Variants in BMP7 observed in about 807,000 individuals in gnomAD.
BMP7 encodes the protein osteogenic protein 1.
In BMP7, 12 loss-of-function variants were observed where a neutral mutation model predicts 41.2. The observed-to-expected ratio is 0.29, with a 90% confidence interval of 0.19 to 0.47. BMP7 has a LOEUF of 0.47. Ranked by LOEUF, BMP7 falls within the 20% of genes least tolerant of loss-of-function variation. The pLI is 0.99. For synonymous variants in BMP7, 248 were observed against 250.0 expected (o/e 0.99, Z 0.07); for missense variants, 467 against 606.0 (o/e 0.77, Z 2.41).
intron 2 of BMP7, among the ~76,000 whole-genome samples, chr20:57,221,395 C>T (rs80239178): frequency 0.012 from 1,862 of 152,016 alleles, 33 homozygotes; most frequent in African/African-American, 0.042. Context: ...TGGACTGCCA[C>T]GAGGAGAAAG....
At chr20:57,254,312 C>A (rs545375811) in intron 1 of BMP7, among the ~76,000 whole-genome samples, 3 of 151,926 alleles carry the variant, frequency 2.0e-5, no homozygotes, top group Admixed American at 6.6e-5. Context: ...CGTGAGCCAC[C>A]GCGCCCAGCC....
intron 1 of BMP7, among the ~76,000 whole-genome samples, chr20:57,250,806 A>G (rs1007787897): frequency 1.3e-5 from 2 of 152,182 alleles, no homozygotes; most frequent in Non-Finnish European, 2.9e-5. Flanking sequence ...ACCAATAAAC[A>G]CAGATCTTAA....
chr20:57,194,024 T>C (rs1338769668), intron 3 of BMP7, among the ~76,000 whole-genome samples: 1 of 152,188 alleles, frequency 6.6e-6, no homozygotes, highest in African/African-American at 2.4e-5. Flanking sequence ...CCATGAACGC[T>C]GCACATTAGA....
At chr20:57,185,529 G>A (rs1215105671) in intron 3 of BMP7, among the ~76,000 whole-genome samples, 1 of 152,260 alleles carries the variant, frequency 6.6e-6, no homozygotes, top group Non-Finnish European at 1.5e-5. Context: ...TGGAGCATAA[G>A]CTGGGAAATA....
chr20:57,222,177 C>T (rs1985204695), intron 2 of BMP7, among the ~76,000 whole-genome samples: 2 of 152,190 alleles, frequency 1.3e-5, no homozygotes, highest in Non-Finnish European at 2.9e-5. Context: ...GAGCCCCCGC[C>T]CGCCGCAAAC....
chr20:57,168,966 A>T lies in BMP7; in HGVS notation c.*1993T>A, dbSNP rs1026031321. ...TTAAAGGGGGGGGGGTGTTCAAAAG[A>T]GCTTTGGATGGAAATAAATAATCTC... On this transcript the variant is annotated 3_prime_UTR_variant, in exon 7 of 7. Coordinates refer to ENST00000395863, the MANE Select transcript of BMP7 (RefSeq NM_001719.3). 1.3e-5 allele frequency: 2 copies of T among 151,840 alleles called. No homozygotes were observed. Among genetic ancestry groups the T allele is most frequent in the Non-Finnish European group, 2.9e-5 (2 of 68,028 alleles). 9.4% of individuals were successfully genotyped at this position (151,840 alleles called of 1,614,324 possible). A position where few individuals can be genotyped will look rare whatever the true frequency, so the allele number is the denominator to read the frequency against.
At position 57,170,158 on chromosome 20, in the gene BMP7, G is replaced by A. The variant is rs1600725062; in HGVS notation, c.*801C>T. On this transcript the variant is annotated 3_prime_UTR_variant, in exon 7 of 7. Transcript: ENST00000395863. ...CATGGATTTACTACCACTGGGGCGA[G>A]GTGAAAAGCCAATCCCAAATGTCTG... is the stretch of plus-strand genomic sequence containing the variant. 6.5e-6 allele frequency: 1 copy of A among 152,804 alleles called. No individual in the cohort carries two copies. Among genetic ancestry groups the A allele is most frequent in the South Asian group, 2.1e-4 (1 of 4,834 alleles). The allele number at this position is 152,804 out of a possible 1,614,324, so 9.5% of individuals were successfully genotyped here.
intron 1 of BMP7, among the ~76,000 whole-genome samples, chr20:57,240,720 A>G (rs1443461842): frequency 6.6e-6 from 1 of 152,250 alleles, no homozygotes; most frequent in East Asian, 1.9e-4. Context: ...ACATGACAGC[A>G]GCAAGAGAAA....
intron 1 of BMP7, among the ~76,000 whole-genome samples, chr20:57,258,639 T>C (rs1299294720): frequency 2.6e-5 from 4 of 152,222 alleles, no homozygotes; most frequent in Non-Finnish European, 1.5e-5. Flanking sequence ...AGTAAAATCA[T>C]TAAATAACCA....
intron 1 of BMP7, among the ~76,000 whole-genome samples, chr20:57,235,106 G>T (rs1336718428): frequency 6.6e-6 from 1 of 152,220 alleles, no homozygotes; most frequent in Non-Finnish European, 1.5e-5. Context: ...GCCTCCATGA[G>T]ACCTGACTAT....
At chr20:57,183,598 TATA>T (rs1325872401) in intron 4 of BMP7, 121 bp downstream of exon 4, 1 of 1,262,116 alleles carries the variant, frequency 7.9e-7, no homozygotes, top group East Asian at 2.4e-5. Flanking sequence ...TTCTTCCTGC[TATA>T]TTTGTTCCAG....
chr20:57,191,762 AT>A (rs1386290572), intron 3 of BMP7, among the ~76,000 whole-genome samples: 2 of 143,632 alleles, frequency 1.4e-5, no homozygotes, highest in African/African-American at 5.1e-5. Context: ...ACTATAATAT[AT>A]AATATATATA....
In BMP7 at chr20:57,178,365, A is replaced by G. The variant is rs540812245; in HGVS notation, c.959-3358T>C. 2.0e-5 allele frequency among the ~76,000 whole-genome samples: 3 copies of G among 152,240 alleles called. No homozygotes were observed. In the East Asian group the frequency reaches 5.8e-4, roughly 30 times the overall value. On this transcript the variant is annotated intron_variant, in intron 4 of 6. Transcript: ENST00000395863. ...GATCTGCGTGGCTGGAACCAGCCCC[A>G]AGGCTCAATGCTGCAAGGGGGTGCT...
At chr20:57,195,726 C>G (rs955290667) in intron 3 of BMP7, among the ~76,000 whole-genome samples, 1 of 152,248 alleles carries the variant, frequency 6.6e-6, no homozygotes, top group African/African-American at 2.4e-5. Context: ...ACAGCACATG[C>G]CCTTCAATCC....
chr20:57,169,500 G>C lies in BMP7; in HGVS notation c.*1459C>G, dbSNP rs1983766816. On this transcript the variant is annotated 3_prime_UTR_variant, in exon 7 of 7. Coordinates refer to ENST00000395863, the MANE Select transcript of BMP7 (RefSeq NM_001719.3). ...TGGTTAGGATGTCACCCTCAACAAGGCTTCTATTTGCAATGTAAGTCCAGC... is the reference window on the plus strand; with the variant it reads ...TGGTTAGGATGTCACCCTCAACAAGCCTTCTATTTGCAATGTAAGTCCAGC... 1 of 152,164 alleles carries C rather than the reference G, an allele frequency of 6.6e-6. No homozygotes were observed. The highest frequency in any genetic ancestry group is 2.4e-5 in the African/African-American group (1 of 41,438). 9.4% of individuals were successfully genotyped at this position (152,164 alleles called of 1,614,324 possible). A position where few individuals can be genotyped will look rare whatever the true frequency, so the allele number is the denominator to read the frequency against.
At position 57,237,017 on chromosome 20, in the gene BMP7, C is replaced by G. The variant is rs149958160; in HGVS notation, c.419-8596G>C. On this transcript the variant is annotated intron_variant, in intron 1 of 6. Transcript: ENST00000395863. Reference sequence around the variant, plus strand: ...GACTATGCGGCCCTCTCACTGCCCCCAAAGATGCCGCTAAACTATGAGGCA... The same window carrying G: ...GACTATGCGGCCCTCTCACTGCCCCGAAAGATGCCGCTAAACTATGAGGCA... Among the ~76,000 whole-genome samples the G allele has an allele frequency of 2.1e-3, 313 of 152,288 alleles. 2 individuals are homozygous for G. The highest frequency in any genetic ancestry group is 6.4e-3 in the African/African-American group (265 of 41,558).
At chr20:57,243,415 G>A (rs1227552708) in intron 1 of BMP7, among the ~76,000 whole-genome samples, 2 of 152,248 alleles carry the variant, frequency 1.3e-5, no homozygotes, top group East Asian at 1.9e-4. Context: ...GGAGGCAGAG[G>A]TTGCAGTGAG....
In BMP7 at chr20:57,213,583, G is replaced by T. The variant is rs1432939883; in HGVS notation, c.612-10960C>A. 1.3e-5 allele frequency among the ~76,000 whole-genome samples: 2 copies of T among 152,212 alleles called. No homozygotes were observed. Among genetic ancestry groups the T allele is most frequent in the African/African-American group, 4.8e-5 (2 of 41,458 alleles). On this transcript the variant is annotated intron_variant, in intron 2 of 6. Transcript: ENST00000395863. The surrounding 1 kb of genome is among the most constrained non-coding windows in gnomAD (Gnocchi z 4.4). ...CTTGTGTCAAGGTGTGGATCACAGAGGCTGGGGGTCAAGAGGGAAGAGAAA... is the reference window on the plus strand; with the variant it reads ...CTTGTGTCAAGGTGTGGATCACAGATGCTGGGGGTCAAGAGGGAAGAGAAA...
At chr20:57,192,125 C>T (rs1357211913) in intron 3 of BMP7, among the ~76,000 whole-genome samples, 3 of 119,568 alleles carry the variant, frequency 2.5e-5, no homozygotes, top group African/African-American at 3.4e-5. Flanking sequence ...ACATATTATA[C>T]TATATATTAT....
Sources: gnomAD v4.1 joint callset for allele counts (sites outside exome capture counted in the v4.1 genomes callset) on GRCh38, gnomAD v4.1.1 for gene constraint, Gnocchi (gnomAD v3.1) non-coding constraint, MANE v1.5 for transcripts, NCBI Gene and HGNC (gene_info 2026-07-23, HGNC 2026-07-21) for gene names.